Variants in ITGB4 observed in about 807,000 individuals in gnomAD.
ITGB4 encodes the protein integrin subunit beta 4.
Under a neutral mutation model 207.6 loss-of-function variants are expected in ITGB4, and 159 were observed. The observed-to-expected ratio is 0.77, with a 90% CI of 0.67 to 0.87. ITGB4 has a LOEUF of 0.87. Ranked by LOEUF, ITGB4 falls within the 40% of genes least tolerant of loss-of-function variation. The pLI is 0.00. For missense variants in ITGB4, 2,278 were observed against 2,546.8 expected, an observed-to-expected ratio of 0.89 and a Z score of 2.27; for synonymous variants, 1,020 against 1,062.7, an observed-to-expected ratio of 0.96 and a Z score of 0.78.
At position 75,756,413 on chromosome 17, in the gene ITGB4, C is replaced by G. The variant is rs2061503737; in HGVS notation, c.4709-16C>G. On this transcript the variant is annotated splice_polypyrimidine_tract_variant and intron_variant, in intron 35 of 39. Transcript: ENST00000200181. ...GTAACACTGCACTACTGTGTGCCCCCACCTGATCCCCCCAGGTGAGCTGCA... is the reference window on the plus strand; with the variant it reads ...GTAACACTGCACTACTGTGTGCCCCGACCTGATCCCCCCAGGTGAGCTGCA... 6.2e-7 allele frequency: 1 copy of G among 1,613,094 alleles called. No homozygotes were observed. Among genetic ancestry groups the G allele is most frequent in the Non-Finnish European group, 8.5e-7 (1 of 1,179,914 alleles).
In ITGB4 at chr17:75,757,185, A is replaced by G. The variant is rs142184100; in HGVS notation, c.5219-15A>G. The G allele has an allele frequency of 7.0e-3, 11,270 of 1,611,368 alleles. 61 individuals are homozygous for G. Among genetic ancestry groups the G allele is most frequent in the Non-Finnish European group, 8.9e-3 (10,541 of 1,179,582 alleles). On this transcript the variant is annotated splice_polypyrimidine_tract_variant and intron_variant, in intron 38 of 39. Coordinates refer to ENST00000200181, the MANE Select transcript of ITGB4 (RefSeq NM_000213.5). ...TCTGGCACCACCCTCTGACTGGCCT[A>G]TCTGCCCACCCCAGGACCCTTCCCG...
rs759619518 is a variant in ITGB4, at chr17:75,752,619, T to G, written c.4108+42T>G. On this transcript the variant is annotated intron_variant, in intron 32 of 39. Coordinates refer to ENST00000200181, the MANE Select transcript of ITGB4 (RefSeq NM_000213.5). Reference sequence around the variant, plus strand: ...GACCCACAAGAGGACAGTGGGGGTCTTGGGTACAGAGTGAGTCCACTGGGT... The same window carrying G: ...GACCCACAAGAGGACAGTGGGGGTCGTGGGTACAGAGTGAGTCCACTGGGT... 7.4e-6 allele frequency: 12 copies of G among 1,611,656 alleles called. No individual in the cohort carries two copies. The Admixed American group carries it at 1.5e-4, about 20-fold the overall frequency.
In ITGB4 at chr17:75,753,267, G is replaced by A. The variant is rs369045711; in HGVS notation, c.4109-498G>A. On this transcript the variant is annotated intron_variant, in intron 32 of 39. Coordinates refer to ENST00000200181, the MANE Select transcript of ITGB4 (RefSeq NM_000213.5). ...CCACGGGGCTCAGCTTGGGCTTAAG[G>A]AGCCATTTTGAGGGGTTCAGGTGGA... Among the ~76,000 whole-genome samples the A allele has an allele frequency of 2.2e-3, 331 of 152,312 alleles. 2 individuals are homozygous for A. The highest frequency in any genetic ancestry group is 2.4e-3 in the Non-Finnish European group (165 of 68,020).
Position 75,740,914 on chromosome 17 carries a change from A to C in ITGB4, c.2609+63A>C, listed in dbSNP as rs1005303148. 1.6e-5 allele frequency: 26 copies of C among 1,613,480 alleles called. No individual in the cohort carries two copies. The highest frequency in any genetic ancestry group is 2.1e-5 in the Non-Finnish European group (25 of 1,179,796). On this transcript the variant is annotated intron_variant, in intron 22 of 39. Coordinates refer to ENST00000200181, the MANE Select transcript of ITGB4 (RefSeq NM_000213.5). The surrounding 1 kb of genome is among the most constrained non-coding windows in gnomAD (Gnocchi z 5.9). ...CTCCTACCGGGACTCCAGGAGCCGA[A>C]GCCCCCAGGCCGATCAGGCCTCCAC... is the stretch of plus-strand genomic sequence containing the variant.
chr17:75,756,754 A>G lies in ITGB4; in HGVS notation c.4948A>G (p.Thr1650Ala), dbSNP rs749086390. ...TPSAPGPLVF[T>A]ALSPDSLQLS... ...CAGTGCCCCAGGCCCGCTGGTGTTC[A>G]CTGCCCTGAGCCCAGACTCGCTGCA... The change falls in exon 37 of 40, where the codon ACT becomes GCT. Residue 1650 changes from threonine (T) to alanine (A), a missense_variant. Coordinates refer to ENST00000200181, the MANE Select transcript of ITGB4 (RefSeq NM_000213.5). The G allele has an allele frequency of 6.2e-7, 1 of 1,612,934 alleles. No homozygotes were observed. Among genetic ancestry groups the G allele is most frequent in the South Asian group, 1.1e-5 (1 of 91,058 alleles).
chr17:75,735,602 G>A (rs1211758465), intron 13 of ITGB4, among the ~76,000 whole-genome samples: 6 of 150,816 alleles, frequency 4.0e-5, no homozygotes, highest in South Asian at 2.1e-4. Context: ...TAGTAGAGAC[G>A]AGGTTTCTCC....
rs371826076 is a variant in ITGB4 at position 75,729,313 on chromosome 17, C to T, written c.615C>T (p.Asn205=). The change falls in exon 7 of 40, where the codon AAC becomes AAT. Residue 205 remains asparagine (N), a synonymous_variant. Coordinates refer to ENST00000200181, the MANE Select transcript of ITGB4 (RefSeq NM_000213.5). This position sits in a 1 kb window ranked among gnomAD's most constrained non-coding sequence, Gnocchi z 4.4. ...PNSDPPFSFK[N]VISLTEDVDE... is the part of the protein sequence containing the mutation. ...GTGACCCCCCCTTCTCCTTCAAGAACGTCATCAGCCTGACAGAAGATGTGG... is the reference window on the plus strand; with the variant it reads ...GTGACCCCCCCTTCTCCTTCAAGAATGTCATCAGCCTGACAGAAGATGTGG... 6 of 1,614,022 alleles carry T rather than the reference C, an allele frequency of 3.7e-6. No individual in the cohort carries two copies. Among genetic ancestry groups the T allele is most frequent in the Admixed American group, 3.3e-5 (2 of 59,996 alleles).
intron 2 of ITGB4, among the ~76,000 whole-genome samples, chr17:75,726,530 G>A (rs1599213336): frequency 6.6e-6 from 1 of 152,188 alleles, no homozygotes. Context: ...TCAGGAGTTC[G>A]AGACCAGCCT....
intron 13 of ITGB4, among the ~76,000 whole-genome samples, chr17:75,734,873 G>C (rs1362653880): frequency 6.6e-6 from 1 of 152,202 alleles, no homozygotes; most frequent in Non-Finnish European, 1.5e-5. Context: ...AGAGTACAAA[G>C]GGCTTCGGTT....
intron 1 of ITGB4, 25 bp from the exon 2 acceptor site, chr17:75,724,667 CAT>C (rs759241753): frequency 1.2e-5 from 19 of 1,542,376 alleles, no homozygotes; most frequent in East Asian, 9.0e-5. Context: ...GTGGAGGCCT[CAT>C]GTGTCAATTG....
chr17:75,730,540 A>G, intron 8 of ITGB4, 36 bp downstream of exon 8: 4 of 1,611,364 alleles, frequency 2.5e-6, no homozygotes, highest in Non-Finnish European at 3.4e-6. Context: ...GGAGGTGGTC[A>G]AGGTAGGGGG....
chr17:75,732,162 G>C lies in ITGB4; in HGVS notation c.1378-1G>C. On this transcript the variant is annotated splice_acceptor_variant, in intron 11 of 39. Coordinates refer to ENST00000200181, the MANE Select transcript of ITGB4 (RefSeq NM_000213.5). LOFTEE classifies it high-confidence loss of function. The surrounding 1 kb of genome is among the most constrained non-coding windows in gnomAD (Gnocchi z 5.3). ...CCCCACCATGGTCTCTCTCATTCCA[G>C]CAAAAAGAGGTGCGGTCAGCTCGCT... The C allele has an allele frequency of 1.2e-6, 2 of 1,614,094 alleles. No individual in the cohort carries two copies. Among genetic ancestry groups the C allele is most frequent in the Non-Finnish European group, 1.7e-6 (2 of 1,180,026 alleles).
rs372830047 is a variant in ITGB4, at chr17:75,742,800, G to A, written c.2962+39G>A. 6.3e-5 allele frequency: 99 copies of A among 1,574,006 alleles called. No individual in the cohort carries two copies. Among genetic ancestry groups the A allele is most frequent in the Non-Finnish European group, 8.3e-5 (97 of 1,162,154 alleles). Reference sequence around the variant, plus strand: ...GGGAGAGTGGGGAAGGCAGACGGGGGCTCGGGGGCACTGGTTCCTCCTGCT... The same window carrying A: ...GGGAGAGTGGGGAAGGCAGACGGGGACTCGGGGGCACTGGTTCCTCCTGCT... On this transcript the variant is annotated intron_variant, in intron 25 of 39. Coordinates refer to ENST00000200181, the MANE Select transcript of ITGB4 (RefSeq NM_000213.5). This position sits in a 1 kb window ranked among gnomAD's most constrained non-coding sequence, Gnocchi z 5.9.
chr17:75,736,815 C>A, intron 16 of ITGB4, 121 bp downstream of exon 16: 1 of 1,100,200 alleles, frequency 9.1e-7, no homozygotes, highest in Non-Finnish European at 1.3e-6. Flanking sequence ...ACAGTCCGGA[C>A]AGGAACTCCA....
At chr17:75,736,220 T>C (rs772161180) in intron 14 of ITGB4, 66 bp downstream of exon 14, 6 of 1,599,856 alleles carry the variant, frequency 3.8e-6, no homozygotes, top group Non-Finnish European at 5.1e-6. Context: ...GAGAACCCTA[T>C]GGAGAGAGGA....
At position 75,739,278 on chromosome 17, in the gene ITGB4, G is replaced by C. The variant is rs1296862673; in HGVS notation, c.2221-394G>C. 1.3e-5 allele frequency among the ~76,000 whole-genome samples: 2 copies of C among 150,182 alleles called. No individual in the cohort carries two copies. The highest frequency in any genetic ancestry group is 4.9e-5 in the African/African-American group (2 of 40,752). The stretch of plus-strand genomic sequence containing the variant: ...CCACTGCATTCCAGCCTGGGCAACA[G>C]AGCGAGACCCTGTCTCAAAAAAAAA... On this transcript the variant is annotated intron_variant, in intron 18 of 39. Transcript: ENST00000200181. This position sits in a 1 kb window ranked among gnomAD's most constrained non-coding sequence, Gnocchi z 5.4.
In ITGB4 at chr17:75,740,861, G is replaced by C. The variant is rs750925887; in HGVS notation, c.2609+10G>C. ...AGCAGACCAAGTTCCGGTGAGTCCC[G>C]GGGTGCCCGGGTTGGGTGGGGGAGC... On this transcript the variant is annotated intron_variant, in intron 22 of 39. Coordinates refer to ENST00000200181, the MANE Select transcript of ITGB4 (RefSeq NM_000213.5). This position sits in a 1 kb window ranked among gnomAD's most constrained non-coding sequence, Gnocchi z 5.9. The C allele has an allele frequency of 4.3e-6, 7 of 1,613,540 alleles. No individual in the cohort carries two copies. In the African/African-American group the frequency reaches 8.0e-5, roughly 18 times the overall value.
In ITGB4 at chr17:75,757,632, C is replaced by T. The variant is rs2061552321; in HGVS notation, c.*77C>T. ...TCTCCCGGAGCCTCCTCAGCTACTC[C>T]ATCCTTGCACCCCTGGGGGCCCAGC... On this transcript the variant is annotated 3_prime_UTR_variant, in exon 40 of 40. Transcript: ENST00000200181. The T allele has an allele frequency of 1.9e-6, 3 of 1,586,540 alleles. No homozygotes were observed. The highest frequency in any genetic ancestry group is 1.7e-4 in the Middle Eastern group (1 of 5,884).
chr17:75,736,332 C>T lies in ITGB4; in HGVS notation c.1806C>T (p.His602=), dbSNP rs371043426. 19 of 1,613,540 alleles carry T rather than the reference C, an allele frequency of 1.2e-5. No individual in the cohort carries two copies. The highest frequency in any genetic ancestry group is 1.7e-5 in the Admixed American group (1 of 59,980). Reference sequence around the variant, plus strand: ...GCCACTGTGAGTGTGGCCGCTGCCACTGCCACCAGCAGTCGCTCTACACGG... The same window carrying T: ...GCCACTGTGAGTGTGGCCGCTGCCATTGCCACCAGCAGTCGCTCTACACGG... The part of the protein sequence containing the change: ...GRGHCECGRC[H]CHQQSLYTDT... Residue 602 remains histidine (H), a synonymous_variant, in exon 15 of 40, where the codon CAC becomes CAT. Transcript: ENST00000200181.
Sources: allele counts gnomAD v4.1 joint callset (sites outside exome capture counted in the v4.1 genomes callset), GRCh38; gene constraint gnomAD v4.1.1; non-coding constraint Gnocchi (gnomAD v3.1); transcripts MANE v1.5; gene names NCBI Gene and HGNC (gene_info 2026-07-23, HGNC 2026-07-21).